RSPH14: variants seen among roughly 807,000 people sequenced by gnomAD.
RSPH14 encodes the protein rhabdoid tumor deletion region gene 1.
In RSPH14, 20 loss-of-function variants were observed where a neutral mutation model predicts 26.7. The observed-to-expected ratio is 0.75, with a 90% CI of 0.53 to 1.09. The LOEUF is 1.09. Ranked by LOEUF, RSPH14 falls within the 50% of genes least tolerant of loss-of-function variation. RSPH14 has a pLI of 0.00. For synonymous variants in RSPH14, 177 were observed against 189.3 expected (o/e 0.93, Z 0.53); for missense variants, 449 against 457.2 (o/e 0.98, Z 0.16).
intron 4 of RSPH14, among the ~76,000 whole-genome samples, chr22:23,125,610 C>T (rs1380882519): frequency 2.0e-5 from 3 of 152,280 alleles, no homozygotes; most frequent in East Asian, 1.9e-4. Context: ...GAACCAGGCA[C>T]GGAGCCGGGC....
chr22:23,078,916 T>C (rs1472062099), intron 4 of RSPH14, among the ~76,000 whole-genome samples: 1 of 152,196 alleles, frequency 6.6e-6, no homozygotes, highest in Non-Finnish European at 1.5e-5. Flanking sequence ...GGGCGGGGGC[T>C]GTGCGTCTAC....
At chr22:23,173,301 A>G in the RSPH14 span, among the ~76,000 whole-genome samples, 13 of 152,010 alleles carry the variant, frequency 8.6e-5, no homozygotes, top group Middle Eastern at 3.4e-3. Context: ...TGCCCAGCTA[A>G]TTTTTTGTAT....
chr22:23,088,182 A>G (rs113470938), intron 4 of RSPH14, among the ~76,000 whole-genome samples: 4 of 152,322 alleles, frequency 2.6e-5, no homozygotes, highest in African/African-American at 9.6e-5. Context: ...GCAGGTTCCC[A>G]TACTCACGCA....
the RSPH14 span, among the ~76,000 whole-genome samples, chr22:23,169,600 A>G: frequency 1.3e-5 from 2 of 152,158 alleles, no homozygotes; most frequent in African/African-American, 2.4e-5. Context: ...AGTTATTGCT[A>G]TGTGACTTGG....
chr22:23,128,172 C>T (rs531860409), intron 4 of RSPH14, among the ~76,000 whole-genome samples: 7 of 152,348 alleles, frequency 4.6e-5, no homozygotes, highest in East Asian at 1.9e-4. Flanking sequence ...TGTTCAACTG[C>T]ACCCCAAAAT....
chr22:23,118,653 A>T (rs2069922455), intron 4 of RSPH14, among the ~76,000 whole-genome samples: 1 of 152,180 alleles, frequency 6.6e-6, no homozygotes, highest in Admixed American at 6.5e-5. Context: ...CCCCCTTGCC[A>T]TGGGGTCATG....
intron 4 of RSPH14, among the ~76,000 whole-genome samples, chr22:23,068,447 TACA>T (rs2068261480): frequency 6.6e-6 from 1 of 152,266 alleles, no homozygotes; most frequent in South Asian, 2.1e-4. Context: ...GAACTGTGCC[TACA>T]ACTATACCCT....
the RSPH14 span, chr22:23,180,035 A>T: frequency 1.6e-4 from 59 of 368,692 alleles, no homozygotes; most frequent in Non-Finnish European, 2.5e-4. Flanking sequence ...CGCTTATGGC[A>T]CTGCGGCGTG....
chr22:23,131,622 CCT>C lies in RSPH14; in HGVS notation c.421+2402_421+2403del. ...AGGACTGGTTGAGAGCAGCAAGTCC[CCT>C]GTCTCCACACTCCAAGAATGAGGGG... is the stretch of plus-strand genomic sequence containing the variant. On this transcript the variant is annotated intron_variant, in intron 4 of 6. Coordinates refer to ENST00000216036, the MANE Select transcript of RSPH14 (RefSeq NM_014433.3). 6.1e-6 allele frequency: 8 copies of C among 1,304,090 alleles called. No individual in the cohort carries two copies. In the South Asian group the frequency reaches 7.4e-5, roughly 12 times the overall value. The allele number at this position is 1,304,090 out of a possible 1,614,324, so 80.8% of individuals were successfully genotyped here.
chr22:23,098,074 G>A (rs2069177255), intron 4 of RSPH14, among the ~76,000 whole-genome samples: 2 of 152,252 alleles, frequency 1.3e-5, no homozygotes, highest in Admixed American at 6.5e-5. Flanking sequence ...TGACCCAGGT[G>A]TCTTCACAGA....
intron 4 of RSPH14, among the ~76,000 whole-genome samples, chr22:23,073,573 C>T (rs1044342484): frequency 7.9e-5 from 12 of 152,328 alleles, no homozygotes; most frequent in Non-Finnish European, 5.9e-5. Flanking sequence ...GCCCTGTCCC[C>T]ACACCAGCCC....
chr22:23,092,064 C>T (rs2068996139), intron 4 of RSPH14, among the ~76,000 whole-genome samples: 1 of 152,178 alleles, frequency 6.6e-6, no homozygotes, highest in African/African-American at 2.4e-5. Context: ...GGTGGGGGGT[C>T]CTGGGTGTTG....
chr22:23,164,866 G>C, the RSPH14 span, among the ~76,000 whole-genome samples: 1 of 151,974 alleles, frequency 6.6e-6, no homozygotes, highest in Non-Finnish European at 1.5e-5. Flanking sequence ...GGGTGCTCTC[G>C]CTCTGGCTTT....
chr22:23,140,481 G>A lies in RSPH14; in HGVS notation c.-52-9C>T. The stretch of plus-strand genomic sequence containing the variant: ...TCTGCAGAAACCACTCACTAAAAGA[G>A]ACCAAAAAGCTGTCATTATTTCTAT... On this transcript the variant is annotated splice_polypyrimidine_tract_variant and intron_variant, in intron 1 of 6. Coordinates refer to ENST00000216036, the MANE Select transcript of RSPH14 (RefSeq NM_014433.3). 1 of 1,569,934 alleles carries A rather than the reference G, an allele frequency of 6.4e-7. No individual in the cohort carries two copies. The highest frequency in any genetic ancestry group is 8.6e-7 in the Non-Finnish European group (1 of 1,156,246).
At chr22:23,167,787 ATCC>A in the RSPH14 span, among the ~76,000 whole-genome samples, 1 of 151,870 alleles carries the variant, frequency 6.6e-6, no homozygotes. Flanking sequence ...GTCTCAAGCA[ATCC>A]TCCTGTCTCA....
At chr22:23,110,272 A>C (rs997526584) in intron 4 of RSPH14, among the ~76,000 whole-genome samples, 3 of 151,876 alleles carry the variant, frequency 2.0e-5, no homozygotes, top group Non-Finnish European at 4.4e-5. Flanking sequence ...GAGCCTCGTG[A>C]GCCCAGGAGC....
rs138019054 is a variant in RSPH14 at position 23,092,854 on chromosome 22, C to T, written c.422-28721G>A. 8.1e-4 allele frequency among the ~76,000 whole-genome samples: 123 copies of T among 152,348 alleles called. 2 individuals carry two copies. The East Asian group carries it at 0.021, about 26-fold the overall frequency. On this transcript the variant is annotated intron_variant, in intron 4 of 6. Transcript: ENST00000216036. ...CCTGGCTGTACCTCAGATTTTCAAA[C>T]GTGGAATTGAGAAGAACAGTCATGA...
At chr22:23,130,088 A>G (rs548053491) in intron 4 of RSPH14, among the ~76,000 whole-genome samples, 131 of 18,260 alleles carry the variant, frequency 7.2e-3, no homozygotes, top group East Asian at 0.012. Context: ...AGAAAGGAAG[A>G]AAGAAAGAAA....
chr22:23,161,672 G>C, the RSPH14 span: 312 of 1,008,664 alleles, frequency 3.1e-4, 2 homozygotes, highest in East Asian at 6.4e-3. Flanking sequence ...TCGCCCTCAA[G>C]CTGTAGGCCC....
Sources: gnomAD v4.1 joint callset for allele counts (sites outside exome capture counted in the v4.1 genomes callset) on GRCh38, gnomAD v4.1.1 for gene constraint, MANE v1.5 for transcripts, NCBI Gene and HGNC (gene_info 2026-07-23, HGNC 2026-07-21) for gene names.